PRKG1: variants seen among roughly 807,000 people sequenced by gnomAD.
PRKG1 encodes the protein protein kinase cGMP-dependent 1.
PRKG1 carries 35 observed loss-of-function variants against 88.1 expected under a neutral mutation model. That is an observed-to-expected ratio of 0.40 (90% CI 0.30 to 0.53). The LOEUF (loss-of-function observed/expected upper bound fraction) is 0.53. PRKG1 is among the 20% of genes least tolerant of loss of function. The probability of loss-of-function intolerance (pLI) is 0.59; values close to 1 mark genes in which losing one functional copy is unlikely to be tolerated. For synonymous variants in PRKG1, 303 were observed against 292.5 expected, an observed-to-expected ratio of 1.04 and a Z score of -0.37; for missense variants, 540 against 839.8, an observed-to-expected ratio of 0.64 and a Z score of 4.41.
chr10:52,206,540 G>A (rs1194492), intron 9 of PRKG1, among the ~76,000 whole-genome samples: 39,012 of 152,198 alleles, frequency 0.26, 5,953 homozygotes, highest in Admixed American at 0.41. Context: ...TGTGGAAGGT[G>A]ATGTTCCTTA....
At chr10:51,962,392 A>G (rs941835601) in intron 5 of PRKG1, among the ~76,000 whole-genome samples, 4 of 152,092 alleles carry the variant, frequency 2.6e-5, no homozygotes, top group Non-Finnish European at 5.9e-5. Context: ...TCAATTTAGT[A>G]TGACTGTTCT....
At chr10:52,026,233 G>A (rs935456409) in intron 5 of PRKG1, among the ~76,000 whole-genome samples, 14 of 152,144 alleles carry the variant, frequency 9.2e-5, no homozygotes, top group Non-Finnish European at 1.9e-4. Context: ...TAGGGATAAT[G>A]TTCTAAAAGA....
chr10:52,212,333 A>G (rs1369603296), intron 9 of PRKG1, among the ~76,000 whole-genome samples: 2 of 152,208 alleles, frequency 1.3e-5, no homozygotes, highest in Non-Finnish European at 2.9e-5. Flanking sequence ...TCATTAGGTT[A>G]CAGTTCACTG....
At chr10:51,050,669 T>C (rs1239862685) in intron 1 of PRKG1, among the ~76,000 whole-genome samples, 1 of 152,182 alleles carries the variant, frequency 6.6e-6, no homozygotes, top group Non-Finnish European at 1.5e-5. Flanking sequence ...CCTCTGGCTA[T>C]ATACCCAGAA....
At chr10:51,670,746 A>T (rs942945742) in intron 3 of PRKG1, among the ~76,000 whole-genome samples, 1 of 95,866 alleles carries the variant, frequency 1.0e-5, no homozygotes, top group African/African-American at 4.5e-5. Flanking sequence ...AAAAAAAAAT[A>T]AATAAATAAA....
chr10:51,934,208 G>T (rs1842754483), intron 5 of PRKG1, among the ~76,000 whole-genome samples: 1 of 149,652 alleles, frequency 6.7e-6, no homozygotes, highest in South Asian at 2.1e-4. Flanking sequence ...CATTGGAAAA[G>T]AAAAAATCCA....
intron 3 of PRKG1, among the ~76,000 whole-genome samples, chr10:51,739,769 T>A (rs1289303979): frequency 6.6e-6 from 1 of 151,974 alleles, no homozygotes; most frequent in East Asian, 1.9e-4. Flanking sequence ...GTTCAGGAGT[T>A]TGAGACCAGC....
intron 1 of PRKG1, among the ~76,000 whole-genome samples, chr10:51,059,919 C>A (rs561063350): frequency 6.6e-6 from 1 of 152,200 alleles, no homozygotes; most frequent in Non-Finnish European, 1.5e-5. Flanking sequence ...GAGTCAAAAT[C>A]TAATAAGATA....
chr10:51,106,270 C>T (rs1055836440), intron 1 of PRKG1, among the ~76,000 whole-genome samples: 7 of 152,134 alleles, frequency 4.6e-5, no homozygotes, highest in African/African-American at 1.7e-4. Context: ...TGTTTCTGTG[C>T]CTGGCATAGA....
intron 9 of PRKG1, among the ~76,000 whole-genome samples, chr10:52,175,258 C>T (rs1018075417): frequency 1.3e-5 from 2 of 152,044 alleles, no homozygotes; most frequent in Admixed American, 6.6e-5. Context: ...CTGTTTCTGG[C>T]TTATTTCACT....
chr10:51,731,966 G>A (rs1014010160), intron 3 of PRKG1, among the ~76,000 whole-genome samples: 3 of 151,966 alleles, frequency 2.0e-5, no homozygotes, highest in African/African-American at 4.8e-5. Flanking sequence ...GCCCCCTGGG[G>A]TCTTTCTCTG....
chr10:51,355,184 A>T (rs1342442835), intron 2 of PRKG1, among the ~76,000 whole-genome samples: 2 of 152,116 alleles, frequency 1.3e-5, no homozygotes, highest in Admixed American at 6.6e-5. Context: ...TCAGTAAAGG[A>T]TAGCTTTATT....
rs150322185 is a variant in PRKG1 at position 51,272,308 on chromosome 10, G to A, written c.478+118978G>A. Among the ~76,000 whole-genome samples, 917 of 151,616 alleles carry A rather than the reference G, an allele frequency of 6.0e-3. 9 individuals are homozygous for A. The highest frequency in any genetic ancestry group is 0.02 in the African/African-American group (842 of 41,088). ...CATGTTCTCATTCATGTTGAACAAT[G>A]AGAACACGTGGACACAGGGAGGGGA... On this transcript the variant is annotated intron_variant, in intron 2 of 17. Transcript: ENST00000373980.
intron 1 of PRKG1, among the ~76,000 whole-genome samples, chr10:51,091,062 A>T (rs1049610518): frequency 6.6e-6 from 1 of 152,216 alleles, no homozygotes; most frequent in African/African-American, 2.4e-5. Context: ...CAATGATAAC[A>T]GTCCTGCTTG....
intron 7 of PRKG1, among the ~76,000 whole-genome samples, chr10:52,100,014 G>T (rs1052394704): frequency 1.3e-5 from 2 of 152,104 alleles, no homozygotes; most frequent in African/African-American, 4.8e-5. Context: ...TACTTACAGG[G>T]GAATAATGAA....
At chr10:51,051,632 T>C (rs1284485910) in intron 1 of PRKG1, among the ~76,000 whole-genome samples, 2 of 152,186 alleles carry the variant, frequency 1.3e-5, no homozygotes, top group Non-Finnish European at 2.9e-5. Flanking sequence ...CAGGTTTAGC[T>C]ATAACTGGCC....
At position 52,042,720 on chromosome 10, in the gene PRKG1, A is replaced by G. The variant is rs183040549; in HGVS notation, c.763-11764A>G. On this transcript the variant is annotated intron_variant, in intron 5 of 17. Coordinates refer to ENST00000373980, the MANE Select transcript of PRKG1 (RefSeq NM_006258.4). ...AGGCAACAAAAGCAAAAATAAACAA[A>G]TGAGATTATGTCAAACTCAAAAGCT... 2.6e-5 allele frequency among the ~76,000 whole-genome samples: 4 copies of G among 152,274 alleles called. No homozygotes were observed. In the East Asian group the frequency reaches 5.8e-4, roughly 22 times the overall value.
intron 2 of PRKG1, among the ~76,000 whole-genome samples, chr10:51,194,041 A>C (rs1837697475): frequency 6.6e-6 from 1 of 152,278 alleles, no homozygotes; most frequent in South Asian, 2.1e-4. Context: ...ATGACCTTCT[A>C]TTAATTCAAA....
Position 52,291,427 on chromosome 10 carries a change from C to T in PRKG1, c.1962+1137C>T, listed in dbSNP as rs1298064044. On this transcript the variant is annotated intron_variant, in intron 17 of 17. Coordinates refer to ENST00000373980, the MANE Select transcript of PRKG1 (RefSeq NM_006258.4). ...CCCCTCCCCCCACCCCACAACAGTC[C>T]CCAGAGTGTGATGGTCCCCTTCCTG... Among the ~76,000 whole-genome samples, 84 of 128,382 alleles carry T rather than the reference C, an allele frequency of 6.5e-4. 1 individual carries two copies. Among genetic ancestry groups the T allele is most frequent in the Admixed American group, 1.5e-3 (16 of 10,898 alleles). The allele number at this position is 128,382 out of a possible 152,430, so 84.2% of individuals were successfully genotyped here.
Sources: allele counts gnomAD v4.1 joint callset (sites outside exome capture counted in the v4.1 genomes callset), GRCh38; gene constraint gnomAD v4.1.1; transcripts MANE v1.5; gene names NCBI Gene and HGNC (gene_info 2026-07-23, HGNC 2026-07-21).